The following ZNF99 variants were observed in gnomAD, a reference collection of about 807,000 sequenced individuals.
ZNF99 encodes the protein zinc finger protein 99, also known as zinc finger protein ENSP00000375192.
ZNF99 carries 8 observed loss-of-function variants against 12.8 expected under a neutral mutation model. The observed-to-expected ratio is 0.62, with a 90% confidence interval of 0.37 to 1.13. ZNF99 has a LOEUF of 1.13. ZNF99 is among the 50% of genes most tolerant of loss of function. ZNF99 has a pLI of 0.02. For synonymous variants in ZNF99, 318 were observed against 319.0 expected, an observed-to-expected ratio of 1.00 and a Z score of 0.03; for missense variants, 1,007 against 1,006.2, an observed-to-expected ratio of 1.00 and a Z score of -0.01.
At position 22,759,111 on chromosome 19, in the gene ZNF99, A is replaced by C. The variant is rs778441660; in HGVS notation, c.798T>G (p.Phe266Leu). The change falls in exon 4 of 4, where the codon TTT becomes TTG. Residue 266 changes from phenylalanine to leucine, a missense_variant. Transcript: ENST00000596209. ...PCKCEECGKV[F>L]NNSSTLMKHK... The stretch of plus-strand genomic sequence containing the variant: ...GTTTCATAAGGGTTGAGGAATTGTT[A>C]AAAACTTTGCCACATTCTTCACATT... The C allele has an allele frequency of 4.3e-6, 7 of 1,609,936 alleles. No individual in the cohort carries two copies. The South Asian group carries it at 7.7e-5, about 18-fold the overall frequency.
At chr19:22,779,418 G>A (rs1973363830) in intron 1 of ZNF99, among the ~76,000 whole-genome samples, 2 of 152,094 alleles carry the variant, frequency 1.3e-5, no homozygotes, top group Admixed American at 6.6e-5. Flanking sequence ...CAGCTCCTCA[G>A]GAGGCTAAGG....
intron 1 of ZNF99, among the ~76,000 whole-genome samples, chr19:22,776,711 C>T (rs1354959304): frequency 1.3e-5 from 2 of 152,102 alleles, no homozygotes; most frequent in African/African-American, 4.8e-5. Flanking sequence ...CCGGCAACCT[C>T]ATAATTGGGT....
intron 1 of ZNF99, among the ~76,000 whole-genome samples, chr19:22,780,705 A>AG (rs1400721795): frequency 3.3e-5 from 5 of 152,158 alleles, no homozygotes; most frequent in Non-Finnish European, 7.4e-5. Flanking sequence ...AAAAAAAAAA[A>AG]AAATCATGTA....
In ZNF99 at chr19:22,754,006, A is replaced by G; in HGVS notation, c.*3308T>C. 3 of 455,996 alleles carry G rather than the reference A, an allele frequency of 6.6e-6. No individual in the cohort carries two copies. Among genetic ancestry groups the G allele is most frequent in the Non-Finnish European group, 1.3e-5 (3 of 226,790 alleles). The allele number at this position is 455,996 out of a possible 1,614,324, so 28.2% of individuals were successfully genotyped here. ...TTAAGGTGTTCTCAAGAGCACTGTC[A>G]TGTCTTTTAGGTTTGTAGAGCTTCT... On this transcript the variant is annotated 3_prime_UTR_variant, in exon 4 of 4. Transcript: ENST00000596209.
intron 1 of ZNF99, among the ~76,000 whole-genome samples, chr19:22,779,566 GTT>G (rs373352013): frequency 6.6e-5 from 10 of 152,178 alleles, no homozygotes; most frequent in African/African-American, 2.2e-4. Flanking sequence ...AATCAGCTGA[GTT>G]TGTTTTCAGT....
intron 1 of ZNF99, chr19:22,769,901 G>T (rs757389652): frequency 7.4e-7 from 1 of 1,359,248 alleles, no homozygotes. Flanking sequence ...AAAATTAAGG[G>T]CATGATAACA....
At chr19:22,760,628 C>T (rs937836548) in intron 3 of ZNF99, among the ~76,000 whole-genome samples, 1 of 151,984 alleles carries the variant, frequency 6.6e-6, no homozygotes, top group African/African-American at 2.4e-5. Flanking sequence ...TCTGTAGTCC[C>T]AGCTACTCAG....
At chr19:22,759,774 T>C in intron 3 of ZNF99, 92 bp from the exon 4 acceptor site, 1 of 954,458 alleles carries the variant, frequency 1.0e-6, no homozygotes, top group Non-Finnish European at 1.5e-6. Context: ...ACAAACCGCT[T>C]AAGCAAGATG....
chr19:22,770,186 G>C (rs2145152379), intron 1 of ZNF99, among the ~76,000 whole-genome samples: 1 of 152,210 alleles, frequency 6.6e-6, no homozygotes, highest in South Asian at 2.1e-4. Flanking sequence ...CAGTTTTTCT[G>C]CCCTATAAAC....
rs71357947 is a variant in ZNF99, at chr19:22,758,662, T to G, written c.1247A>C (p.Lys416Thr). Residue 416 changes from lysine to threonine, a missense_variant, in exon 4 of 4, where the codon AAG becomes ACG. Physicochemically the swap from Lys to Thr is moderately conservative, Grantham distance 78. Transcript: ENST00000596209. Reference protein sequence around the residue: ...FKWSSKLTVHKVIHTAEKPCK... With the variant: ...FKWSSKLTVHTVIHTAEKPCK... ...GGGTTTCTCTGCAGTATGAATTACC[T>G]TATGTACAGTAAGTTTTGAGGACCA... 3.1e-3 allele frequency: 4,972 copies of G among 1,613,290 alleles called. 10 individuals carry two copies. The highest frequency in any genetic ancestry group is 3.6e-3 in the Non-Finnish European group (4,207 of 1,179,698).
Position 22,758,259 on chromosome 19 carries a change from T to G in ZNF99, c.1650A>C (p.Ser550=). The G allele has an allele frequency of 6.2e-7, 1 of 1,600,748 alleles. No individual in the cohort carries two copies. Among genetic ancestry groups the G allele is most frequent in the Non-Finnish European group, 8.5e-7 (1 of 1,170,128 alleles). ...EECGKAFNNS[S]TLMKHKIIHT... is the part of the protein sequence containing the mutation. The stretch of plus-strand genomic sequence containing the variant: ...GAATTATCTTATGTTTCATAAGGGT[T>G]GAGGAATTGTTAAAAGCTTTGCCAC... The change falls in exon 4 of 4, where the codon TCA becomes TCC. Residue 550 remains serine (S), a synonymous_variant. Transcript: ENST00000596209.
intron 1 of ZNF99, among the ~76,000 whole-genome samples, chr19:22,775,387 C>T (rs60377670): frequency 0.16 from 24,123 of 152,146 alleles, 1,887 homozygotes; most frequent in East Asian, 0.18. Context: ...CCCTTCCTTA[C>T]ATCATATACA....
intron 3 of ZNF99, among the ~76,000 whole-genome samples, chr19:22,766,817 A>G (rs1973209535): frequency 6.6e-6 from 1 of 150,976 alleles, no homozygotes; most frequent in African/African-American, 2.4e-5. Context: ...ACGCCCGGCT[A>G]ATTTTATATT....
chr19:22,773,990 G>A (rs1234603267), intron 1 of ZNF99: 1 of 153,226 alleles, frequency 6.5e-6, no homozygotes, highest in Non-Finnish European at 1.5e-5. Flanking sequence ...AACCACTGCT[G>A]GATTTCCAAC....
rs572873418 is a variant in ZNF99, at chr19:22,756,585, G to A, written c.*729C>T. 1 of 1,597,292 alleles carries A rather than the reference G, an allele frequency of 6.3e-7. No homozygotes were observed. The highest frequency in any genetic ancestry group is 1.7e-5 in the Admixed American group (1 of 59,364). On this transcript the variant is annotated 3_prime_UTR_variant, in exon 4 of 4. Coordinates refer to ENST00000596209, the MANE Select transcript of ZNF99 (RefSeq NM_001080409.3). ...TTGATTTATGTTTAGTAAGGTGTGAGGATTGCTTAAAAGCTTTGCCACATT... is the reference window on the plus strand; with the variant it reads ...TTGATTTATGTTTAGTAAGGTGTGAAGATTGCTTAAAAGCTTTGCCACATT...
chr19:22,769,870 C>T, intron 1 of ZNF99: 1 of 1,349,538 alleles, frequency 7.4e-7, no homozygotes, highest in Non-Finnish European at 9.8e-7. Context: ...AGACAAGATA[C>T]TTTTCTGGAT....
chr19:22,761,706 CG>C lies in ZNF99; in HGVS notation c.227-2025del, dbSNP rs537168125. On this transcript the variant is annotated intron_variant, in intron 3 of 3. Transcript: ENST00000596209. Reference sequence around the variant, plus strand: ...AATATACATTCTACTCAACAGTGCACGAAACCTTCTCCAAATAGACCGTATG... The same window carrying C: ...AATATACATTCTACTCAACAGTGCACAAACCTTCTCCAAATAGACCGTATG... 3.2e-4 allele frequency among the ~76,000 whole-genome samples: 48 copies of C among 152,110 alleles called. 1 individual carries two copies. The East Asian group carries it at 9.1e-3, about 29-fold the overall frequency.
intron 1 of ZNF99, among the ~76,000 whole-genome samples, chr19:22,776,807 CA>C (rs1358624521): frequency 6.6e-6 from 1 of 152,150 alleles, no homozygotes; most frequent in Non-Finnish European, 1.5e-5. Context: ...ATAGCAAAGA[CA>C]TGGAATCAAC....
intron 1 of ZNF99, 67 bp from the exon 2 acceptor site, chr19:22,769,391 T>G: frequency 6.5e-7 from 1 of 1,527,116 alleles, no homozygotes; most frequent in Non-Finnish European, 8.8e-7. Context: ...TTAATTTGAC[T>G]CAAGGTGAAA....
Sources: allele counts gnomAD v4.1 joint callset (sites outside exome capture counted in the v4.1 genomes callset), GRCh38; gene constraint gnomAD v4.1.1; transcripts MANE v1.5; gene names NCBI Gene and HGNC (gene_info 2026-07-23, HGNC 2026-07-21).